Variants in PGAP1 observed in about 807,000 individuals in gnomAD.
The protein encoded by PGAP1 is post-GPI attachment to proteins inositol deacylase 1, also known as GPI inositol-deacylase.
PGAP1 carries 76 observed loss-of-function variants against 127.0 expected under a neutral mutation model. The ratio of observed to expected loss-of-function variants is 0.60; its 90% CI spans 0.50 to 0.72. The LOEUF (loss-of-function observed/expected upper bound fraction) is 0.72. Ranked by LOEUF, PGAP1 falls within the 30% of genes least tolerant of loss-of-function variation. PGAP1 has a pLI of 0.00. For synonymous variants in PGAP1, 362 were observed against 366.5 expected, an observed-to-expected ratio of 0.99 and a Z score of 0.14; for missense variants, 982 against 1,071.3, an observed-to-expected ratio of 0.92 and a Z score of 1.16.
At chr2:196,864,503 C>A (rs1218341671) in intron 20 of PGAP1, among the ~76,000 whole-genome samples, 1 of 147,894 alleles carries the variant, frequency 6.8e-6, no homozygotes, top group Non-Finnish European at 1.5e-5. Context: ...GTCATAAATA[C>A]TAGCAAATTA....
In PGAP1 at chr2:196,849,181, G is replaced by A. The variant is rs555162089; in HGVS notation, c.1862-1144C>T. Among the ~76,000 whole-genome samples the A allele has an allele frequency of 1.1e-4, 17 of 151,786 alleles. No individual in the cohort carries two copies. The South Asian group carries it at 2.9e-3, about 26-fold the overall frequency. On this transcript the variant is annotated intron_variant, in intron 20 of 26. Coordinates refer to ENST00000354764, the MANE Select transcript of PGAP1 (RefSeq NM_024989.4). ...CAAGTCAGTTGAAACCAAGAAAAAC[G>A]AGACCTTTTTCAGACTTTCAAAACA...
intron 13 of PGAP1, among the ~76,000 whole-genome samples, chr2:196,876,501 T>G (rs567516072): frequency 9.1e-4 from 139 of 152,246 alleles, no homozygotes; most frequent in African/African-American, 3.2e-3. Flanking sequence ...TTAAATAACA[T>G]TTCTATTAGC....
intron 9 of PGAP1, 67 bp from the exon 10 acceptor site, chr2:196,890,978 C>A: frequency 2.5e-6 from 2 of 788,434 alleles, no homozygotes; most frequent in South Asian, 3.1e-5. Context: ...TTCAAAAATC[C>A]AGATATAGCA....
At position 196,845,706 on chromosome 2, in the gene PGAP1, TC is replaced by T. The variant is rs1401722382; in HGVS notation, c.2286+175del. On this transcript the variant is annotated intron_variant, in intron 23 of 26. Transcript: ENST00000354764. ...AAAACCCCAACTTAGATCAATAATT[TC>T]CCTTTTCCAGTTAATTGTATGTAAT... Among the ~76,000 whole-genome samples the T allele has an allele frequency of 3.3e-5, 5 of 152,186 alleles. No homozygotes were observed. In the East Asian group the frequency reaches 9.6e-4, roughly 29 times the overall value.
chr2:196,895,020 T>G (rs1037514145), intron 7 of PGAP1, among the ~76,000 whole-genome samples: 1 of 152,210 alleles, frequency 6.6e-6, no homozygotes, highest in African/African-American at 2.4e-5. Flanking sequence ...GCTTTTCTCC[T>G]GGACTATATG....
In PGAP1 at chr2:196,840,205, C is replaced by G. The variant is rs546911489; in HGVS notation, c.*1029G>C. The G allele has an allele frequency of 6.6e-6, 1 of 152,278 alleles. No individual in the cohort carries two copies. The highest frequency in any genetic ancestry group is 2.4e-5 in the African/African-American group (1 of 41,564). 9.4% of individuals were successfully genotyped at this position (152,278 alleles called of 1,614,324 possible). A position where few individuals can be genotyped will look rare whatever the true frequency, so the allele number is the denominator to read the frequency against. On this transcript the variant is annotated 3_prime_UTR_variant, in exon 27 of 27. Coordinates refer to ENST00000354764, the MANE Select transcript of PGAP1 (RefSeq NM_024989.4). ...TTTATTCAGGTGTACTGTTTATACT[C>G]ATGCTACTAATGGGTTAACAGTTGT... is the stretch of plus-strand genomic sequence containing the variant.
intron 1 of PGAP1, among the ~76,000 whole-genome samples, chr2:196,921,759 T>A (rs1488216750): frequency 6.6e-6 from 1 of 152,040 alleles, no homozygotes; most frequent in African/African-American, 2.4e-5. Context: ...TTTTTTAAAA[T>A]ATGAATATAT....
chr2:196,885,919 T>C, intron 10 of PGAP1, 39 bp from the exon 11 acceptor site: 1 of 1,310,376 alleles, frequency 7.6e-7, no homozygotes, highest in Middle Eastern at 2.1e-4. Context: ...CACTAAGTAT[T>C]GTAGAAAATA....
At chr2:196,892,248 T>C in intron 9 of PGAP1, 98 bp downstream of exon 9, 3 of 590,412 alleles carry the variant, frequency 5.1e-6, no homozygotes, top group East Asian at 3.2e-5. Context: ...GAAAATGGCA[T>C]GCAGTTATCT....
At chr2:196,845,763 T>G in intron 23 of PGAP1, 119 bp downstream of exon 23, 6 of 694,610 alleles carry the variant, frequency 8.6e-6, no homozygotes, top group Non-Finnish European at 1.3e-5. Flanking sequence ...AAACCCGTTA[T>G]GTAACAGAGG....
chr2:196,875,780 G>A lies in PGAP1; in HGVS notation c.1392C>T (p.Tyr464=). The A allele has an allele frequency of 6.5e-7, 1 of 1,541,598 alleles. No individual in the cohort carries two copies. The highest frequency in any genetic ancestry group is 8.9e-7 in the Non-Finnish European group (1 of 1,118,478). ...DCEFFKKEKR[Y]IQLPVTHLFS... Reference sequence around the variant, plus strand: ...AAAGATGAGTTACAGGAAGCTGTATGTATCTTTTCTCTTTTTTAAAGAATT... The same window carrying A: ...AAAGATGAGTTACAGGAAGCTGTATATATCTTTTCTCTTTTTTAAAGAATT... The change falls in exon 14 of 27, where the codon TAC becomes TAT. Residue 464 remains tyrosine, a synonymous_variant. Transcript: ENST00000354764.
At chr2:196,886,117 G>C (rs1156790145) in intron 10 of PGAP1, among the ~76,000 whole-genome samples, 1 of 151,304 alleles carries the variant, frequency 6.6e-6, no homozygotes, top group African/African-American at 2.4e-5. Flanking sequence ...AGTTATCCTG[G>C]AGCCAAGAGT....
chr2:196,902,662 A>G lies in PGAP1; in HGVS notation c.730T>C (p.Phe244Leu). ...CCTGAACGAACTTGGTAATCCCGGA[A>G]TCCTCCAGCTACAGAAAGTGTGGTT... ...NLTTLSVAGG[F>L]RDYQVRSGLT... is the part of the protein sequence containing the mutation. The change falls in exon 5 of 27, where the codon TTC (phenylalanine) becomes CTC (leucine). Residue 244 changes from phenylalanine (F) to leucine (L), a missense_variant. By Grantham distance (22) the Phe-to-Leu change is conservative (BLOSUM62 0). Transcript: ENST00000354764. The G allele has an allele frequency of 6.2e-7, 1 of 1,613,372 alleles. No homozygotes were observed.
Position 196,837,342 on chromosome 2 carries a change from A to G in PGAP1, c.*3892T>C, listed in dbSNP as rs1386995976. 1 of 152,234 alleles carries G rather than the reference A, an allele frequency of 6.6e-6. No homozygotes were observed. Among genetic ancestry groups the G allele is most frequent in the Non-Finnish European group, 1.5e-5 (1 of 68,046 alleles). 9.4% of individuals were successfully genotyped at this position (152,234 alleles called of 1,614,324 possible). On this transcript the variant is annotated 3_prime_UTR_variant, in exon 27 of 27. Transcript: ENST00000354764. Reference sequence around the variant, plus strand: ...AGAAGTCTGAAGAATTAAGAAAAGTATAGGAACTAGGCCAGGTGGTCATGC... The same window carrying G: ...AGAAGTCTGAAGAATTAAGAAAAGTGTAGGAACTAGGCCAGGTGGTCATGC...
rs1576065018 is a variant in PGAP1 at position 196,834,050 on chromosome 2, T to C, written c.*7184A>G. 6.6e-6 allele frequency: 1 copy of C among 152,030 alleles called. No individual in the cohort carries two copies. The highest frequency in any genetic ancestry group is 1.9e-4 in the East Asian group (1 of 5,202). 9.4% of individuals were successfully genotyped at this position (152,030 alleles called of 1,614,324 possible). The stretch of plus-strand genomic sequence containing the variant: ...TAACCTTATTTGATATATATAAGCC[T>C]CAATAAGTTCAGAAAGAATGAGCAC... On this transcript the variant is annotated 3_prime_UTR_variant, in exon 27 of 27. Transcript: ENST00000354764.
At chr2:196,869,039 G>T (rs1701329588) in intron 19 of PGAP1, among the ~76,000 whole-genome samples, 1 of 151,782 alleles carries the variant, frequency 6.6e-6, no homozygotes, top group South Asian at 2.1e-4. Flanking sequence ...TTCTTTAATT[G>T]ACATTTTAAA....
At chr2:196,877,077 T>C (rs6740561) in intron 13 of PGAP1, among the ~76,000 whole-genome samples, 15,513 of 152,120 alleles carry the variant, frequency 0.1, 961 homozygotes, top group African/African-American at 0.17. Context: ...TAAAATAATA[T>C]AATTTTTATT....
At chr2:196,896,650 A>T (rs1426886936) in intron 7 of PGAP1, among the ~76,000 whole-genome samples, 1 of 152,046 alleles carries the variant, frequency 6.6e-6, no homozygotes, top group African/African-American at 2.4e-5. Flanking sequence ...GTTTGAAACC[A>T]GCCTGGCCAA....
chr2:196,887,776 A>C (rs1488689319), intron 10 of PGAP1, among the ~76,000 whole-genome samples: 2 of 152,192 alleles, frequency 1.3e-5, no homozygotes, highest in African/African-American at 4.8e-5. Context: ...ACAAATAAAA[A>C]AGTGTGGTGT....
Sources: allele counts gnomAD v4.1 joint callset (sites outside exome capture counted in the v4.1 genomes callset), GRCh38; gene constraint gnomAD v4.1.1; transcripts MANE v1.5; gene names NCBI Gene and HGNC (gene_info 2026-07-23, HGNC 2026-07-21).